The following MYO7B variants were observed in gnomAD, a reference collection of about 807,000 sequenced individuals.
MYO7B encodes myosin VIIB, also known as unconventional myosin-VIIb.
A neutral mutation model predicts 259.7 loss-of-function variants in MYO7B; 212 were observed. The ratio of observed to expected loss-of-function variants is 0.82; its 90% CI spans 0.73 to 0.91. The LOEUF (loss-of-function observed/expected upper bound fraction) is 0.91. Ranked by LOEUF, MYO7B falls within the 40% of genes least tolerant of loss-of-function variation. MYO7B has a pLI of 0.00. For synonymous variants in MYO7B, 1,197 were observed against 1,166.4 expected, an observed-to-expected ratio of 1.03 and a Z score of -0.54; for missense variants, 2,732 against 2,813.5, an observed-to-expected ratio of 0.97 and a Z score of 0.66.
rs994708799 is a variant in MYO7B at position 127,597,160 on chromosome 2, C to A, written c.2339+604C>A. Among the ~76,000 whole-genome samples, 1 of 152,236 alleles carries A rather than the reference C, an allele frequency of 6.6e-6. No homozygotes were observed. The highest frequency in any genetic ancestry group is 6.5e-5 in the Admixed American group (1 of 15,292). On this transcript the variant is annotated intron_variant, in intron 19 of 47. Coordinates refer to ENST00000409816, the MANE Select transcript of MYO7B (RefSeq NM_001393586.1). This position sits in a 1 kb window ranked among gnomAD's most constrained non-coding sequence, Gnocchi z 4.8. Reference sequence around the variant, plus strand: ...AGAGGCAGCTGTGCTGCTGGGAAGCCGGAGGCCATCTCAGGGCCAGACCCT... The same window carrying A: ...AGAGGCAGCTGTGCTGCTGGGAAGCAGGAGGCCATCTCAGGGCCAGACCCT...
At chr2:127,633,114 A>G (rs2009707) in intron 39 of MYO7B, 144 bp from the exon 40 acceptor site, 380,080 of 634,176 alleles carry the variant, frequency 0.6, 119,328 homozygotes, top group African/African-American at 0.91. Context: ...CCCCCAGGAC[A>G]TGCGAGGGGC....
chr2:127,600,141 A>G (rs532610718), intron 19 of MYO7B, among the ~76,000 whole-genome samples: 8 of 152,332 alleles, frequency 5.3e-5, no homozygotes, highest in African/African-American at 1.4e-4. Context: ...ATTTTTTTAT[A>G]GAGAGTTTTT....
rs1467248800 is a variant in MYO7B, at chr2:127,615,275, C to T, written c.3398+2672C>T. ...GGGTAGACGGGTCACCCGTGACAGA[C>T]TGCCATGGTTACTACTTGAGACCAT... On this transcript the variant is annotated intron_variant, in intron 26 of 47. Coordinates refer to ENST00000409816, the MANE Select transcript of MYO7B (RefSeq NM_001393586.1). The surrounding 1 kb of genome is among the most constrained non-coding windows in gnomAD (Gnocchi z 4.4). 6.6e-6 allele frequency among the ~76,000 whole-genome samples: 1 copy of T among 152,212 alleles called. No individual in the cohort carries two copies. The highest frequency in any genetic ancestry group is 1.9e-4 in the East Asian group (1 of 5,192).
At position 127,562,482 on chromosome 2, in the gene MYO7B, G is replaced by GT. The variant is rs56290548; in HGVS notation, c.19-1647dup. Among the ~76,000 whole-genome samples, 576 of 61,014 alleles carry GT rather than the reference G, an allele frequency of 9.4e-3. 13 individuals are homozygous for GT. Among genetic ancestry groups the GT allele is most frequent in the Middle Eastern group, 0.017 (1 of 58 alleles). 40.0% of individuals were successfully genotyped at this position (61,014 alleles called of 152,430 possible). A position where few individuals can be genotyped will look rare whatever the true frequency, so the allele number is the denominator to read the frequency against. On this transcript the variant is annotated intron_variant, in intron 2 of 47. Coordinates refer to ENST00000409816, the MANE Select transcript of MYO7B (RefSeq NM_001393586.1). ...CAGCTAATTTTTGTGGGGTTTTATT[G>GT]TTTTTTTTTTTTTTTTTTTTTTTTG...
chr2:127,554,998 G>A (rs1422917862), intron 1 of MYO7B, among the ~76,000 whole-genome samples: 1 of 151,034 alleles, frequency 6.6e-6, no homozygotes, highest in Non-Finnish European at 1.5e-5. Context: ...GCCCAGGCTG[G>A]AGCACAGTGG....
At position 127,590,349 on chromosome 2, in the gene MYO7B, C is replaced by T; in HGVS notation, c.1992+120C>T. 1 of 1,390,160 alleles carries T rather than the reference C, an allele frequency of 7.2e-7. No individual in the cohort carries two copies. Among genetic ancestry groups the T allele is most frequent in the African/African-American group, 1.4e-5 (1 of 70,222 alleles). The allele number at this position is 1,390,160 out of a possible 1,614,324, so 86.1% of individuals were successfully genotyped here. A position where few individuals can be genotyped will look rare whatever the true frequency, so the allele number is the denominator to read the frequency against. ...AGCGTTAGAGCTGTTACTGCCCCTA[C>T]CTTACAGATAAGTACACTGGGGTAA... On this transcript the variant is annotated intron_variant, in intron 16 of 47. Coordinates refer to ENST00000409816, the MANE Select transcript of MYO7B (RefSeq NM_001393586.1). The surrounding 1 kb of genome is among the most constrained non-coding windows in gnomAD (Gnocchi z 4.6).
intron 9 of MYO7B, 44 bp downstream of exon 9, chr2:127,578,330 G>A (rs1310484430): frequency 6.2e-7 from 1 of 1,610,908 alleles, no homozygotes; most frequent in Non-Finnish European, 8.5e-7. Context: ...GGAGGGAGAG[G>A]GAAGGGGACA....
chr2:127,631,257 C>T lies in MYO7B; in HGVS notation c.4989C>T (p.Ala1663=). 1 of 1,611,218 alleles carries T rather than the reference C, an allele frequency of 6.2e-7. No individual in the cohort carries two copies. The highest frequency in any genetic ancestry group is 8.5e-7 in the Non-Finnish European group (1 of 1,178,772). Residue 1663 remains alanine (A), a synonymous_variant, in exon 37 of 48, where the codon GCC becomes GCT. Transcript: ENST00000409816. ...VSMAVLPLAR[A]RGHLWAYSCE... is the part of the protein sequence containing the mutation. ...TGGCCGTGCTGCCCCTGGCCCGTGC[C>T]CGTGGCCACCTGTGGGCCTATTCCT... is the stretch of plus-strand genomic sequence containing the variant.
intron 37 of MYO7B, 26 bp from the exon 38 acceptor site, chr2:127,631,574 A>G (rs1464284192): frequency 1.2e-6 from 2 of 1,611,078 alleles, no homozygotes; most frequent in Non-Finnish European, 1.7e-6. Context: ...GGGCTGCCCC[A>G]GCACTGTGCT....
chr2:127,560,349 G>A (rs139034510), intron 2 of MYO7B, among the ~76,000 whole-genome samples: 302 of 152,242 alleles, frequency 2.0e-3, no homozygotes, highest in African/African-American at 6.3e-3. Context: ...GCCTCATTGC[G>A]GCAGTTGCCG....
chr2:127,591,590 C>T (rs1679560660), intron 16 of MYO7B, among the ~76,000 whole-genome samples: 1 of 152,222 alleles, frequency 6.6e-6, no homozygotes, highest in South Asian at 2.1e-4. Flanking sequence ...GTCAGTGAAG[C>T]GCAGCTAAAC....
At chr2:127,540,157 T>C (rs1692946991) in intron 1 of MYO7B, among the ~76,000 whole-genome samples, 1 of 139,814 alleles carries the variant, frequency 7.2e-6, no homozygotes, top group Non-Finnish European at 1.6e-5. Context: ...GCAATTGTCT[T>C]TTTCTGGTTT....
At chr2:127,625,557 G>A (rs1478459567) in intron 31 of MYO7B, 22 bp downstream of exon 31, 15 of 1,569,160 alleles carry the variant, frequency 9.6e-6, no homozygotes, top group Non-Finnish European at 1.1e-5. Flanking sequence ...TGCAGCTCAG[G>A]CACCCACCCG....
At chr2:127,637,125 A>G in intron 47 of MYO7B, 191 bp from the exon 48 acceptor site, 1 of 988,960 alleles carries the variant, frequency 1.0e-6, no homozygotes, top group Middle Eastern at 2.0e-4. Context: ...CCCTTGGCCC[A>G]TTCCAAGGAG....
intron 1 of MYO7B, among the ~76,000 whole-genome samples, chr2:127,536,262 G>A (rs753543562): frequency 2.0e-5 from 3 of 152,204 alleles, no homozygotes; most frequent in Admixed American, 6.5e-5. Flanking sequence ...CTGCGTCCTC[G>A]CAACACAGTG....
intron 9 of MYO7B, among the ~76,000 whole-genome samples, chr2:127,579,257 G>C (rs956494768): frequency 7.9e-5 from 12 of 152,220 alleles, no homozygotes; most frequent in African/African-American, 2.9e-4. Context: ...AAGAGATAGG[G>C]CTGGTTCCAG....
intron 1 of MYO7B, among the ~76,000 whole-genome samples, chr2:127,542,730 G>A (rs1449612691): frequency 6.6e-6 from 1 of 152,140 alleles, no homozygotes; most frequent in Non-Finnish European, 1.5e-5. Flanking sequence ...ACTGGCACTG[G>A]TCTCTGAGTT....
rs546007649 is a variant in MYO7B, at chr2:127,633,117, C to G, written c.5406-141C>G. ...AGCCAGGGGCAGCCCCCAGGACATG[C>G]GAGGGGCTGGAACCACCCCAGTGAT... On this transcript the variant is annotated intron_variant, in intron 39 of 47. Transcript: ENST00000409816. The G allele has an allele frequency of 1.2e-5, 8 of 649,664 alleles. No individual in the cohort carries two copies. The Admixed American group carries it at 2.3e-4, about 19-fold the overall frequency. 40.2% of individuals were successfully genotyped at this position (649,664 alleles called of 1,614,324 possible).
chr2:127,569,379 G>A (rs1284383916), intron 5 of MYO7B, among the ~76,000 whole-genome samples: 2 of 152,180 alleles, frequency 1.3e-5, no homozygotes, highest in Admixed American at 6.5e-5. Flanking sequence ...GGGATCTGGT[G>A]AAAATGCAGA....
Sources: gnomAD v4.1 joint callset for allele counts (sites outside exome capture counted in the v4.1 genomes callset) on GRCh38, gnomAD v4.1.1 for gene constraint, Gnocchi (gnomAD v3.1) non-coding constraint, MANE v1.5 for transcripts, NCBI Gene and HGNC (gene_info 2026-07-23, HGNC 2026-07-21) for gene names.